CHLSN: variants seen among roughly 807,000 people sequenced by gnomAD.
CHLSN encodes cholesin, also known as protein cholesin.
chr7:1,009,619 C>A, the CHLSN span, among the ~76,000 whole-genome samples: 1 of 152,168 alleles, frequency 6.6e-6, no homozygotes, highest in Admixed American at 6.5e-5. Flanking sequence ...CTCCTCCTCA[C>A]CCCCACGTCC....
chr7:1,088,885 C>T, the CHLSN span, among the ~76,000 whole-genome samples: 3 of 151,928 alleles, frequency 2.0e-5, no homozygotes, highest in Non-Finnish European at 2.9e-5. This position sits in a 1 kb window ranked among gnomAD's most constrained non-coding sequence, Gnocchi z 4.5. Flanking sequence ...CCACATCAGA[C>T]ACTAGGACAC....
chr7:1,052,472 G>T, the CHLSN span, among the ~76,000 whole-genome samples: 1 of 152,178 alleles, frequency 6.6e-6, no homozygotes, highest in Admixed American at 6.5e-5. This position sits in a 1 kb window ranked among gnomAD's most constrained non-coding sequence, Gnocchi z 4.2. Context: ...GTGGGAGGTA[G>T]GCAGTGAAAC....
chr7:1,110,493 C>T, the CHLSN span, among the ~76,000 whole-genome samples: 1 of 152,214 alleles, frequency 6.6e-6, no homozygotes, highest in Non-Finnish European at 1.5e-5. Flanking sequence ...GCCTGGGCAG[C>T]CTGAGCGCTC....
At chr7:985,722 G>A in the CHLSN span, among the ~76,000 whole-genome samples, 1 of 152,210 alleles carries the variant, frequency 6.6e-6, no homozygotes, top group Non-Finnish European at 1.5e-5. Context: ...TCACCCCTCT[G>A]ATGTTTGGAA....
At chr7:1,060,217 T>G in the CHLSN span, among the ~76,000 whole-genome samples, 9,747 of 152,092 alleles carry the variant, frequency 0.064, 466 homozygotes, top group African/African-American at 0.13. Flanking sequence ...AGGATTAAAG[T>G]ATAGGCCTGC....
the CHLSN span, among the ~76,000 whole-genome samples, chr7:1,016,601 G>C: frequency 1.5e-5 from 1 of 64,652 alleles, no homozygotes; most frequent in Admixed American, 1.5e-4. Context: ...CCACACAGCA[G>C]CGTACAGCAG....
chr7:1,055,874 G>A, the CHLSN span, among the ~76,000 whole-genome samples: 213 of 152,338 alleles, frequency 1.4e-3, 1 homozygote, highest in African/African-American at 5.1e-3. Context: ...CCCAGTCACA[G>A]TGGCCTGTGT....
the CHLSN span, chr7:1,138,192 CG>C: frequency 1.8e-5 from 1 of 55,126 alleles, no homozygotes; most frequent in African/African-American, 1.4e-4. Flanking sequence ...CGCCTACCTG[CG>C]CCCACCTGCG....
chr7:983,314 C>A, the CHLSN span: 1 of 1,540,996 alleles, frequency 6.5e-7, no homozygotes, highest in Non-Finnish European at 8.7e-7. Flanking sequence ...GCCCCCGGGG[C>A]CTCGCCCGCT....
the CHLSN span, among the ~76,000 whole-genome samples, chr7:1,042,810 A>C: frequency 1.8e-4 from 27 of 152,262 alleles, no homozygotes; most frequent in African/African-American, 5.3e-4. Context: ...TACCATGGAG[A>C]TAACGAAGCT....
At chr7:1,121,841 G>A in the CHLSN span, among the ~76,000 whole-genome samples, 3 of 151,874 alleles carry the variant, frequency 2.0e-5, no homozygotes, top group Middle Eastern at 6.8e-3. Context: ...ACTCACACAG[G>A]GCAGCGTGCT....
chr7:1,097,625 C>A, the CHLSN span, among the ~76,000 whole-genome samples: 1 of 152,122 alleles, frequency 6.6e-6, no homozygotes, highest in Non-Finnish European at 1.5e-5. This position sits in a 1 kb window ranked among gnomAD's most constrained non-coding sequence, Gnocchi z 4.3. Flanking sequence ...AAATGGAGGG[C>A]GAATCTCAGG....
chr7:1,105,045 C>T, the CHLSN span, among the ~76,000 whole-genome samples: 4 of 152,206 alleles, frequency 2.6e-5, no homozygotes, highest in African/African-American at 9.7e-5. Flanking sequence ...GAAGACTACT[C>T]TTCTGCACTC....
chr7:1,134,471 G>A, the CHLSN span, among the ~76,000 whole-genome samples: 1 of 151,932 alleles, frequency 6.6e-6, no homozygotes, highest in Non-Finnish European at 1.5e-5. Flanking sequence ...CTACTCGGGA[G>A]GCTGAGGCAG....
the CHLSN span, chr7:1,000,438 C>T: frequency 1.7e-5 from 18 of 1,080,072 alleles, no homozygotes; most frequent in South Asian, 1.9e-5. Flanking sequence ...CCTCAGCCCC[C>T]AGGAGACGTG....
the CHLSN span, chr7:987,042 C>A: frequency 1.4e-6 from 2 of 1,433,222 alleles, no homozygotes; most frequent in Non-Finnish European, 1.8e-6. Context: ...CAGGGCTGGG[C>A]TGGGTCTGTG....
At chr7:1,084,821 G>A in the CHLSN span, among the ~76,000 whole-genome samples, 1 of 152,264 alleles carries the variant, frequency 6.6e-6, no homozygotes, top group Non-Finnish European at 1.5e-5. Context: ...CTGAAAACCA[G>A]GGTTGTTTGG....
the CHLSN span, among the ~76,000 whole-genome samples, chr7:1,072,743 G>A: frequency 3.2e-4 from 47 of 147,530 alleles, no homozygotes; most frequent in Admixed American, 6.8e-4. Flanking sequence ...GAGTGCAGTG[G>A]CGCAATCTCA....
chr7:1,083,999 C>T, the CHLSN span, among the ~76,000 whole-genome samples: 1 of 152,260 alleles, frequency 6.6e-6, no homozygotes. Flanking sequence ...CAGCAGCTAA[C>T]CTCCCCAGGC....
Sources: allele counts gnomAD v4.1 joint callset (sites outside exome capture counted in the v4.1 genomes callset), GRCh38; gene constraint gnomAD v4.1.1; non-coding constraint Gnocchi (gnomAD v3.1); transcripts MANE v1.5; gene names NCBI Gene and HGNC (gene_info 2026-07-23, HGNC 2026-07-21).